Variants in FOXP4 observed in about 807,000 individuals in gnomAD.
The protein encoded by FOXP4 is forkhead box P4.
In FOXP4, 25 loss-of-function variants were observed where a neutral mutation model predicts 82.6. The ratio of observed to expected loss-of-function variants is 0.30; its 90% CI spans 0.22 to 0.42. The LOEUF (loss-of-function observed/expected upper bound fraction) is 0.42, where lower values mean the gene tolerates loss of function less well. FOXP4 is among the 10% of genes least tolerant of loss of function. FOXP4 has a pLI of 1.00. For synonymous variants in FOXP4, 415 were observed against 388.2 expected (o/e 1.07, Z -0.81); for missense variants, 785 against 900.9 (o/e 0.87, Z 1.65).
At chr6:41,594,606 C>G (rs563898562) in intron 13 of FOXP4, among the ~76,000 whole-genome samples, 126 of 152,174 alleles carry the variant, frequency 8.3e-4, no homozygotes, top group Non-Finnish European at 1.4e-3. Flanking sequence ...ACAGAACTTT[C>G]CAAGATGTGG....
At position 41,594,795 on chromosome 6, in the gene FOXP4, G is replaced by C. The variant is rs1766726070; in HGVS notation, c.1537-75G>C. On this transcript the variant is annotated intron_variant, in intron 13 of 16. Transcript: ENST00000307972. ...GTGGGCCGCTGCTGCGTGGGACATG[G>C]GATGGGATGAGGACTATCATGTTTG... 6 of 1,590,298 alleles carry C rather than the reference G, an allele frequency of 3.8e-6. No individual in the cohort carries two copies. In the African/African-American group the frequency reaches 6.7e-5, roughly 18 times the overall value.
intron 3 of FOXP4, among the ~76,000 whole-genome samples, chr6:41,581,977 G>A (rs546533802): frequency 1.3e-5 from 2 of 152,288 alleles, no homozygotes; most frequent in African/African-American, 2.4e-5. Flanking sequence ...TTCCTGTTGC[G>A]GGCCACGTTC....
At chr6:41,570,701 T>G (rs925125784) in intron 2 of FOXP4, among the ~76,000 whole-genome samples, 6 of 152,186 alleles carry the variant, frequency 3.9e-5, no homozygotes. Flanking sequence ...CTCCCCTTCA[T>G]GGCAGAATTC....
intron 1 of FOXP4, among the ~76,000 whole-genome samples, chr6:41,564,539 A>G (rs963689443): frequency 1.3e-5 from 2 of 152,200 alleles, no homozygotes; most frequent in Non-Finnish European, 2.9e-5. Context: ...TCCCAAACAC[A>G]TACCCTCTCT....
intron 1 of FOXP4, among the ~76,000 whole-genome samples, chr6:41,562,142 A>G (rs1206115181): frequency 6.6e-6 from 1 of 152,194 alleles, no homozygotes; most frequent in Non-Finnish European, 1.5e-5. Context: ...TGGTGTGCTC[A>G]TCCTTGGCGG....
intron 1 of FOXP4, among the ~76,000 whole-genome samples, chr6:41,553,869 T>G (rs1000890418): frequency 4.6e-5 from 7 of 152,174 alleles, no homozygotes; most frequent in Non-Finnish European, 4.4e-5. Flanking sequence ...CCTCCAAGCC[T>G]CCCAACAGTC....
At chr6:41,578,108 C>G in intron 3 of FOXP4, 27 bp downstream of exon 3, 1 of 1,593,910 alleles carries the variant, frequency 6.3e-7, no homozygotes. Flanking sequence ...CCCGCTGGCT[C>G]TGGGTTGGGC....
intron 1 of FOXP4, among the ~76,000 whole-genome samples, chr6:41,560,495 C>CT (rs1764508021): frequency 6.6e-6 from 1 of 152,260 alleles, no homozygotes; most frequent in Non-Finnish European, 1.5e-5. Context: ...CCGTGTCTCC[C>CT]TTAAGAACTG....
intron 1 of FOXP4, among the ~76,000 whole-genome samples, chr6:41,555,248 C>T (rs1239646834): frequency 6.6e-6 from 1 of 151,160 alleles, no homozygotes; most frequent in African/African-American, 2.4e-5. Context: ...GAGACCCTGT[C>T]TCAAAAAAAA....
At chr6:41,569,074 C>A (rs895705139) in intron 2 of FOXP4, among the ~76,000 whole-genome samples, 4 of 152,186 alleles carry the variant, frequency 2.6e-5, no homozygotes, top group African/African-American at 4.8e-5. Flanking sequence ...CTCCTTCATC[C>A]CAGCCTGGTC....
chr6:41,547,222 G>GC (rs1763685442), intron 1 of FOXP4, among the ~76,000 whole-genome samples: 1 of 151,938 alleles, frequency 6.6e-6, no homozygotes, highest in Non-Finnish European at 1.5e-5. Flanking sequence ...GGCCACCGAG[G>GC]CCCGCCCTTC....
intron 3 of FOXP4, among the ~76,000 whole-genome samples, chr6:41,581,871 G>A (rs979945662): frequency 3.3e-5 from 5 of 152,232 alleles, no homozygotes; most frequent in South Asian, 4.1e-4. Context: ...AGAAAGGCCC[G>A]AGGAAGGAAA....
At position 41,587,447 on chromosome 6, in the gene FOXP4, A is replaced by G; in HGVS notation, c.807A>G (p.Ser269=). The G allele has an allele frequency of 6.5e-7, 1 of 1,549,500 alleles. No individual in the cohort carries two copies. Among genetic ancestry groups the G allele is most frequent in the Non-Finnish European group, 8.7e-7 (1 of 1,147,258 alleles). The change falls in exon 7 of 17, where the codon TCA becomes TCG. Residue 269 remains serine, a synonymous_variant. Coordinates refer to ENST00000307972, the MANE Select transcript of FOXP4 (RefSeq NM_001012426.2). ...CGTTTGCCGCTCCCCCCAAGGTCTC[A>G]CCCCCCCTCTCCCACCATACCCTGC... ...ATSFAAPPKV[S]PPLSHHTLPN...
At chr6:41,552,435 A>G (rs1263511884) in intron 1 of FOXP4, among the ~76,000 whole-genome samples, 1 of 152,156 alleles carries the variant, frequency 6.6e-6, no homozygotes, top group African/African-American at 2.4e-5. Context: ...TGGTCAGGCC[A>G]TGCTGAGGGT....
intron 14 of FOXP4, among the ~76,000 whole-genome samples, chr6:41,595,800 C>T (rs1766798728): frequency 6.6e-6 from 1 of 152,112 alleles, no homozygotes; most frequent in Admixed American, 6.5e-5. Flanking sequence ...AATGTGGTTT[C>T]ACCACGTTGG....
At chr6:41,597,656 C>T in intron 15 of FOXP4, 125 bp from the exon 16 acceptor site, 1 of 1,249,260 alleles carries the variant, frequency 8.0e-7, no homozygotes, top group Non-Finnish European at 1.1e-6. Flanking sequence ...CCAGACAGAT[C>T]CGCCCGTGGG....
chr6:41,547,915 G>C (rs898640222), intron 1 of FOXP4, among the ~76,000 whole-genome samples: 2 of 152,372 alleles, frequency 1.3e-5, no homozygotes, highest in African/African-American at 4.8e-5. Flanking sequence ...CACAGCCAGT[G>C]GCGCTAGAAT....
chr6:41,568,237 C>A (rs554124247), intron 2 of FOXP4, among the ~76,000 whole-genome samples: 1 of 152,314 alleles, frequency 6.6e-6, no homozygotes, highest in South Asian at 2.1e-4. Flanking sequence ...GAGGACAAAC[C>A]AATGCCTTTC....
chr6:41,598,967 A>T lies in FOXP4; in HGVS notation c.*31A>T. The T allele has an allele frequency of 6.5e-7, 1 of 1,527,804 alleles. No individual in the cohort carries two copies. Among genetic ancestry groups the T allele is most frequent in the Non-Finnish European group, 8.8e-7 (1 of 1,141,974 alleles). The allele number at this position is 1,527,804 out of a possible 1,614,324, so 94.6% of individuals were successfully genotyped here. ...TGTAGTGACCGGCAGGGCTGGGGTG[A>T]GACCCCTCCCTTCCAGAATCCAGGC... On this transcript the variant is annotated 3_prime_UTR_variant, in exon 17 of 17. Transcript: ENST00000307972.
Sources: allele counts gnomAD v4.1 joint callset (sites outside exome capture counted in the v4.1 genomes callset), GRCh38; gene constraint gnomAD v4.1.1; transcripts MANE v1.5; gene names NCBI Gene and HGNC (gene_info 2026-07-23, HGNC 2026-07-21).